Variants in SNX24 observed in about 807,000 individuals in gnomAD.
SNX24 encodes the protein sorting nexin-24.
Under a neutral mutation model 28.7 loss-of-function variants are expected in SNX24, and 22 were observed. The observed-to-expected ratio is 0.77, with a 90% CI of 0.55 to 1.10. The LOEUF (loss-of-function observed/expected upper bound fraction) is 1.10, where lower values mean the gene tolerates loss of function less well. SNX24 is among the 50% of genes least tolerant of loss of function. The pLI, the probability that SNX24 is intolerant of heterozygous loss-of-function variation, is 0.00. For missense variants in SNX24, 221 were observed against 201.1 expected (o/e 1.10, Z -0.60); for synonymous variants, 69 against 71.5 (o/e 0.96, Z 0.18).
At chr5:122,936,339 A>G (rs986340900) in intron 1 of SNX24, among the ~76,000 whole-genome samples, 1 of 152,164 alleles carries the variant, frequency 6.6e-6, no homozygotes, top group Admixed American at 6.5e-5. Flanking sequence ...AAATGCCCAT[A>G]ATGGAATACC....
chr5:122,978,418 TA>T (rs1430679219), intron 3 of SNX24, among the ~76,000 whole-genome samples: 1 of 152,236 alleles, frequency 6.6e-6, no homozygotes, highest in African/African-American at 2.4e-5. Context: ...TGGCAGTGTA[TA>T]TTTTTTTCTA....
chr5:122,921,341 G>A (rs1758422717), intron 1 of SNX24, among the ~76,000 whole-genome samples: 1 of 152,174 alleles, frequency 6.6e-6, no homozygotes, highest in Admixed American at 6.5e-5. Flanking sequence ...GGATAGAGGG[G>A]TTGGTCACCT....
intron 5 of SNX24, among the ~76,000 whole-genome samples, chr5:123,018,948 G>A (rs992974311): frequency 2.0e-5 from 3 of 152,192 alleles, no homozygotes; most frequent in South Asian, 4.2e-4. Context: ...GCCTCCCAAA[G>A]TGCTGGGATT....
At chr5:123,029,144 C>A in intron 5 of SNX24, 1 of 1,356,256 alleles carries the variant, frequency 7.4e-7, no homozygotes, top group Non-Finnish European at 1.0e-6. Flanking sequence ...AGCCTAAGGG[C>A]ACTGAGTGCC....
intron 5 of SNX24, among the ~76,000 whole-genome samples, chr5:123,028,301 TATG>T (rs770568559): frequency 1.1e-4 from 17 of 152,202 alleles, no homozygotes; most frequent in Non-Finnish European, 2.2e-4. Context: ...GTTTTGTCAA[TATG>T]ATGAAAGATT....
At chr5:123,003,053 T>C (rs987422888) in intron 6 of SNX24, among the ~76,000 whole-genome samples, 28 of 152,190 alleles carry the variant, frequency 1.8e-4, no homozygotes, top group African/African-American at 6.3e-4. Context: ...TGGGAGTCAC[T>C]AAATAGTAAT....
intron 3 of SNX24, among the ~76,000 whole-genome samples, chr5:122,963,106 C>T (rs1185495741): frequency 1.3e-5 from 2 of 152,136 alleles, no homozygotes; most frequent in Non-Finnish European, 2.9e-5. Flanking sequence ...TGGTGGTACA[C>T]GCCTGTAGTC....
chr5:122,936,779 GA>G lies in SNX24; in HGVS notation c.110del (p.Lys37ArgfsTer17), dbSNP rs1561623794. On this transcript the variant is annotated frameshift_variant, in exon 2 of 7. Coordinates refer to ENST00000261369, the MANE Select transcript of SNX24 (RefSeq NM_014035.4). LOFTEE classifies it high-confidence loss of function. ...AATGAATGGAAGAAAACATTTTGTT[GA>G]AAAGAGATACAGCGAATTTCATGCT... The part of the protein sequence containing the change: ...VLMNGRKHFV[E>X]KRYSEFHALH... The G allele has an allele frequency of 6.2e-7, 1 of 1,608,306 alleles. No homozygotes were observed. The highest frequency in any genetic ancestry group is 1.1e-5 in the South Asian group (1 of 90,244).
intron 3 of SNX24, among the ~76,000 whole-genome samples, chr5:122,961,973 A>G (rs1760505521): frequency 6.6e-6 from 1 of 152,238 alleles, no homozygotes; most frequent in Non-Finnish European, 1.5e-5. Context: ...TAGTTTTTGT[A>G]GACAGTGACC....
intron 1 of SNX24, among the ~76,000 whole-genome samples, chr5:122,885,182 T>A (rs1220977070): frequency 6.6e-6 from 1 of 152,078 alleles, no homozygotes; most frequent in Non-Finnish European, 1.5e-5. Context: ...TGGGGGTGTG[T>A]CCAAAGCCAG....
chr5:122,867,364 C>G (rs1755768050), intron 1 of SNX24, among the ~76,000 whole-genome samples: 1 of 152,152 alleles, frequency 6.6e-6, no homozygotes, highest in Admixed American at 6.5e-5. Flanking sequence ...AAGTCTGTAT[C>G]CAGAGTAAAT....
At chr5:122,890,975 T>TA (rs1346052221) in intron 1 of SNX24, 1 of 1,384,522 alleles carries the variant, frequency 7.2e-7, no homozygotes, top group African/African-American at 1.5e-5. Context: ...TTAAATAGTA[T>TA]ATAAGAGTAT....
chr5:122,890,510 C>G (rs1416427327), intron 1 of SNX24, among the ~76,000 whole-genome samples: 2 of 143,608 alleles, frequency 1.4e-5, no homozygotes, highest in African/African-American at 5.2e-5. Context: ...CACTCTGTGG[C>G]CCAGGCTGGA....
chr5:122,933,821 CT>C (rs1561618944), intron 1 of SNX24, among the ~76,000 whole-genome samples: 1 of 150,732 alleles, frequency 6.6e-6, no homozygotes, highest in Admixed American at 6.6e-5. Context: ...ACATTCAACT[CT>C]TTTTTTCTTT....
At chr5:122,904,178 T>C (rs1757551486) in intron 1 of SNX24, among the ~76,000 whole-genome samples, 1 of 152,078 alleles carries the variant, frequency 6.6e-6, no homozygotes, top group African/African-American at 2.4e-5. Flanking sequence ...CCTAGTCTTT[T>C]TTTTTTGTTT....
chr5:122,920,665 G>A (rs1338526319), intron 1 of SNX24, among the ~76,000 whole-genome samples: 1 of 152,182 alleles, frequency 6.6e-6, no homozygotes, highest in Non-Finnish European at 1.5e-5. Flanking sequence ...TATAGATGAT[G>A]CACAGCCATA....
intron 3 of SNX24, among the ~76,000 whole-genome samples, chr5:122,996,419 C>T (rs4555798): frequency 0.22 from 33,926 of 152,074 alleles, 4,826 homozygotes; most frequent in Non-Finnish European, 0.33. Flanking sequence ...CCACTGAAAG[C>T]ACAATTATAG....
At chr5:122,918,395 G>A (rs931858128) in intron 1 of SNX24, among the ~76,000 whole-genome samples, 8 of 152,200 alleles carry the variant, frequency 5.3e-5, no homozygotes, top group Non-Finnish European at 1.0e-4. Flanking sequence ...TAATTTGGAT[G>A]ACTACCAAGG....
At chr5:122,902,492 T>C (rs909880491) in intron 1 of SNX24, among the ~76,000 whole-genome samples, 1 of 152,192 alleles carries the variant, frequency 6.6e-6, no homozygotes, top group Non-Finnish European at 1.5e-5. Flanking sequence ...ATGCAGTTTA[T>C]ATAGCATTTC....
Sources: gnomAD v4.1 joint callset for allele counts (sites outside exome capture counted in the v4.1 genomes callset) on GRCh38, gnomAD v4.1.1 for gene constraint, MANE v1.5 for transcripts, NCBI Gene and HGNC (gene_info 2026-07-23, HGNC 2026-07-21) for gene names.